The following ADGRA2 variants were observed in gnomAD, a reference collection of about 807,000 sequenced individuals.
ADGRA2 encodes adhesion G protein-coupled receptor A2, also known as G-protein coupled receptor 124.
ADGRA2 carries 61 observed loss-of-function variants against 98.7 expected under a neutral mutation model. That is an observed-to-expected ratio of 0.62 (90% CI 0.50 to 0.76). The LOEUF (loss-of-function observed/expected upper bound fraction) is 0.76. Among genes scored for constraint, ADGRA2 ranks in the 30% least tolerant of loss-of-function variants. The probability of loss-of-function intolerance (pLI) is 0.00; values close to 1 mark genes in which losing one functional copy is unlikely to be tolerated. For synonymous variants in ADGRA2, 858 were observed against 831.5 expected, an observed-to-expected ratio of 1.03 and a Z score of -0.55; for missense variants, 1,712 against 1,860.0, an observed-to-expected ratio of 0.92 and a Z score of 1.46.
At chr8:37,808,226 G>A (rs993173860) in intron 1 of ADGRA2, among the ~76,000 whole-genome samples, 24 of 152,208 alleles carry the variant, frequency 1.6e-4, no homozygotes, top group African/African-American at 5.5e-4. Context: ...TTGACATTAG[G>A]AGTGGGAGAA....
At position 37,802,760 on chromosome 8, in the gene ADGRA2, A is replaced by T. The variant is rs561640039; in HGVS notation, c.266+5226A>T. 3.3e-5 allele frequency among the ~76,000 whole-genome samples: 5 copies of T among 152,292 alleles called. No homozygotes were observed. On this transcript the variant is annotated intron_variant, in intron 1 of 18. Transcript: ENST00000412232. The surrounding 1 kb of genome is among the most constrained non-coding windows in gnomAD (Gnocchi z 4.7). ...CTCCCCTGAGAGCTCCCTCTGCTGC[A>T]GGATGTTAGAGTCAGGGTCCCATCC... is the stretch of plus-strand genomic sequence containing the variant.
chr8:37,841,025 G>GCCCCCCCCCCC lies in ADGRA2; in HGVS notation c.2748-56_2748-55insCCCCCCCCCCC. On this transcript the variant is annotated intron_variant, in intron 18 of 18. Coordinates refer to ENST00000412232, the MANE Select transcript of ADGRA2 (RefSeq NM_032777.10). The surrounding 1 kb of genome is among the most constrained non-coding windows in gnomAD (Gnocchi z 5.0). ...ATATCCTGTCTCCCCAACCACCCCG[G>GCCCCCCCCCCC]CCCCCAGCCCCACCCCAGCCATGCC... 11 of 1,411,644 alleles carry GCCCCCCCCCCC rather than the reference G, an allele frequency of 7.8e-6. No individual in the cohort carries two copies. Among genetic ancestry groups the GCCCCCCCCCCC allele is most frequent in the Non-Finnish European group, 1.1e-5 (11 of 1,023,644 alleles). The allele number at this position is 1,411,644 out of a possible 1,614,324, so 87.4% of individuals were successfully genotyped here. A position where few individuals can be genotyped will look rare whatever the true frequency, so the allele number is the denominator to read the frequency against.
chr8:37,833,891 C>A, intron 10 of ADGRA2, 54 bp downstream of exon 10: 1 of 1,607,716 alleles, frequency 6.2e-7, no homozygotes, highest in Non-Finnish European at 8.5e-7. Context: ...CCCTCATTTG[C>A]TCAAGCCTCT....
intron 1 of ADGRA2, among the ~76,000 whole-genome samples, chr8:37,801,265 G>A (rs1804493908): frequency 6.6e-6 from 1 of 152,168 alleles, no homozygotes; most frequent in Non-Finnish European, 1.5e-5. Context: ...CTGAGCTCTT[G>A]GCTTCCTTCC....
At chr8:37,810,646 C>T (rs948804839) in intron 1 of ADGRA2, among the ~76,000 whole-genome samples, 12 of 152,118 alleles carry the variant, frequency 7.9e-5, no homozygotes, top group African/African-American at 2.9e-4. Flanking sequence ...TACAGGCAGG[C>T]CACCACGTCT....
At position 37,840,357 on chromosome 8, in the gene ADGRA2, G is replaced by A. The variant is rs552928740; in HGVS notation, c.2657+91G>A. 1,463 of 1,386,628 alleles carry A rather than the reference G, an allele frequency of 1.1e-3. 3 individuals carry two copies. The highest frequency in any genetic ancestry group is 1.4e-3 in the Non-Finnish European group (1,336 of 988,336). The allele number at this position is 1,386,628 out of a possible 1,614,324, so 85.9% of individuals were successfully genotyped here. A position where few individuals can be genotyped will look rare whatever the true frequency, so the allele number is the denominator to read the frequency against. On this transcript the variant is annotated intron_variant, in intron 17 of 18. Coordinates refer to ENST00000412232, the MANE Select transcript of ADGRA2 (RefSeq NM_032777.10). Reference sequence around the variant, plus strand: ...CAAGGTGGGTGAAGGGTGAGTCTAAGGTCCCTGGGAGATCACTCTCCAAAG... The same window carrying A: ...CAAGGTGGGTGAAGGGTGAGTCTAAAGTCCCTGGGAGATCACTCTCCAAAG...
intron 2 of ADGRA2, among the ~76,000 whole-genome samples, chr8:37,822,384 T>TATACACACAC (rs1554524320): frequency 6.8e-6 from 1 of 147,124 alleles, no homozygotes; most frequent in African/African-American, 2.5e-5. Flanking sequence ...TGTATGTGGG[T>TATACACACAC]ACACACACAC....
chr8:37,810,413 G>A (rs1259611756), intron 1 of ADGRA2, among the ~76,000 whole-genome samples: 1 of 152,050 alleles, frequency 6.6e-6, no homozygotes, highest in Non-Finnish European at 1.5e-5. Flanking sequence ...GGAGGCGGCA[G>A]TAGGAGAATC....
chr8:37,839,090 G>A lies in ADGRA2; in HGVS notation c.2387+7G>A, dbSNP rs761921203. On this transcript the variant is annotated splice_region_variant and intron_variant, in intron 15 of 18. Transcript: ENST00000412232. Reference sequence around the variant, plus strand: ...CCTACATCCTCAACCACAGGTGGGTGCTCCTGCAGGAGGGAGGGCGTGGTG... The same window carrying A: ...CCTACATCCTCAACCACAGGTGGGTACTCCTGCAGGAGGGAGGGCGTGGTG... 1 of 1,606,858 alleles carries A rather than the reference G, an allele frequency of 6.2e-7. No individual in the cohort carries two copies. Among genetic ancestry groups the A allele is most frequent in the Non-Finnish European group, 8.5e-7 (1 of 1,176,570 alleles).
intron 1 of ADGRA2, among the ~76,000 whole-genome samples, chr8:37,798,828 G>A (rs1212615436): frequency 6.6e-6 from 1 of 152,192 alleles, no homozygotes; most frequent in South Asian, 2.1e-4. Context: ...CCCCGGCCCG[G>A]GTGTGTGTGT....
In ADGRA2 at chr8:37,802,382, G is replaced by T. The variant is rs1047670752; in HGVS notation, c.266+4848G>T. 2.6e-5 allele frequency among the ~76,000 whole-genome samples: 4 copies of T among 152,214 alleles called. No homozygotes were observed. Among genetic ancestry groups the T allele is most frequent in the Admixed American group, 2.6e-4 (4 of 15,278 alleles). ...CATATGGTTCTCATAAGGTCTGGGC[G>T]CAGAGACAGCAGCCAGAGGAAGTGG... On this transcript the variant is annotated intron_variant, in intron 1 of 18. Transcript: ENST00000412232. The surrounding 1 kb of genome is among the most constrained non-coding windows in gnomAD (Gnocchi z 4.7).
chr8:37,828,599 G>A (rs1470750685), intron 2 of ADGRA2, among the ~76,000 whole-genome samples: 4 of 146,596 alleles, frequency 2.7e-5, no homozygotes, highest in Non-Finnish European at 5.9e-5. Flanking sequence ...CAATTCTCCT[G>A]CCTAGCTGGG....
rs1380436019 is a variant in ADGRA2 at position 37,830,083 on chromosome 8, C to T, written c.718+69C>T. 9 of 1,057,000 alleles carry T rather than the reference C, an allele frequency of 8.5e-6. No individual in the cohort carries two copies. The highest frequency in any genetic ancestry group is 4.8e-5 in the African/African-American group (3 of 62,642). 65.5% of individuals were successfully genotyped at this position (1,057,000 alleles called of 1,614,324 possible). On this transcript the variant is annotated intron_variant, in intron 6 of 18. Transcript: ENST00000412232. This position sits in a 1 kb window ranked among gnomAD's most constrained non-coding sequence, Gnocchi z 4.8. Reference sequence around the variant, plus strand: ...TCTCCACCAACCCAGGGCCCAGACACGAGCCTCCCCTCAGACCCACAGGTT... The same window carrying T: ...TCTCCACCAACCCAGGGCCCAGACATGAGCCTCCCCTCAGACCCACAGGTT...
intron 1 of ADGRA2, among the ~76,000 whole-genome samples, chr8:37,800,992 T>G (rs1315175611): frequency 6.6e-6 from 1 of 152,098 alleles, no homozygotes; most frequent in Non-Finnish European, 1.5e-5. Context: ...CACTCAGGAT[T>G]GATCCTTGGG....
intron 2 of ADGRA2, among the ~76,000 whole-genome samples, chr8:37,817,708 CTAAA>C (rs527817973): frequency 1.9e-4 from 29 of 151,320 alleles, no homozygotes; most frequent in East Asian, 3.9e-4. Flanking sequence ...CCCTGTCTCT[CTAAA>C]TAAATAAATA....
At chr8:37,831,701 T>C in intron 8 of ADGRA2, 114 bp downstream of exon 8, 2 of 838,992 alleles carry the variant, frequency 2.4e-6, no homozygotes, top group Non-Finnish European at 3.8e-6. Context: ...GTCCTAAAGA[T>C]GGAGAAGACA....
rs763801831 is a variant in ADGRA2 at position 37,841,376 on chromosome 8, A to C, written c.3038A>C (p.Tyr1013Ser). 29 of 1,610,590 alleles carry C rather than the reference A, an allele frequency of 1.8e-5. No homozygotes were observed. The highest frequency in any genetic ancestry group is 2.4e-5 in the Non-Finnish European group (28 of 1,178,822). ...CCCCCGGAGGATGGTGACAGCCTCT[A>C]TTCTCCGGGAGTCCAGCTAGGGGCG... ...PGPPEDGDSL[Y>S]SPGVQLGALV... The change falls in exon 19 of 19, where the codon TAT becomes TCT. Residue 1013 changes from tyrosine to serine, a missense_variant. Physicochemically the swap from Tyr to Ser is moderately radical, Grantham distance 144 (BLOSUM62 -2). Coordinates refer to ENST00000412232, the MANE Select transcript of ADGRA2 (RefSeq NM_032777.10). This position sits in a 1 kb window ranked among gnomAD's most constrained non-coding sequence, Gnocchi z 5.0.
intron 1 of ADGRA2, among the ~76,000 whole-genome samples, chr8:37,809,418 A>T (rs535833691): frequency 6.6e-6 from 1 of 152,156 alleles, no homozygotes; most frequent in Non-Finnish European, 1.5e-5. Flanking sequence ...CTCAATGTCA[A>T]TGGAGGCCCC....
chr8:37,832,323 G>T (rs1351332479), intron 8 of ADGRA2, among the ~76,000 whole-genome samples: 4 of 152,060 alleles, frequency 2.6e-5, no homozygotes, highest in African/African-American at 9.7e-5. Flanking sequence ...GAAGTGCCAG[G>T]ATTACAGGCT....
Sources: allele counts gnomAD v4.1 joint callset (sites outside exome capture counted in the v4.1 genomes callset), GRCh38; gene constraint gnomAD v4.1.1; non-coding constraint Gnocchi (gnomAD v3.1); transcripts MANE v1.5; gene names NCBI Gene and HGNC (gene_info 2026-07-23, HGNC 2026-07-21).